CSMD1: variants seen among roughly 807,000 people sequenced by gnomAD.
CSMD1 encodes CUB and Sushi multiple domains 1.
In CSMD1, 213 loss-of-function variants were observed where a neutral mutation model predicts 417.5. The ratio of observed to expected loss-of-function variants is 0.51; its 90% CI spans 0.46 to 0.57. The LOEUF is 0.57. Among genes scored for constraint, CSMD1 ranks in the 20% least tolerant of loss-of-function variants. CSMD1 has a pLI of 0.00. For missense variants in CSMD1, 6,923 were observed against 4,529.7 expected (o/e 1.53, Z -15.17); for synonymous variants, 2,862 against 1,736.8 (o/e 1.65, Z -16.11).
At chr8:4,164,084 A>C (rs1797317943) in intron 3 of CSMD1, among the ~76,000 whole-genome samples, 2 of 150,862 alleles carry the variant, frequency 1.3e-5, no homozygotes, top group African/African-American at 4.9e-5. Flanking sequence ...AGAAAACTCC[A>C]ATACTTATCA....
intron 53 of CSMD1, 107 bp from the exon 54 acceptor site, chr8:2,998,291 G>A: frequency 9.0e-7 from 1 of 1,112,862 alleles, no homozygotes; most frequent in Non-Finnish European, 1.3e-6. Context: ...ATGGACTGAA[G>A]GTTTTCCACT....
At chr8:4,439,923 T>G (rs1256307498) in intron 2 of CSMD1, among the ~76,000 whole-genome samples, 1 of 151,914 alleles carries the variant, frequency 6.6e-6, no homozygotes, top group Non-Finnish European at 1.5e-5. Flanking sequence ...TAATAAGGAG[T>G]AATAATATAT....
At chr8:3,844,875 G>C (rs1366857149) in intron 5 of CSMD1, among the ~76,000 whole-genome samples, 3 of 152,136 alleles carry the variant, frequency 2.0e-5, no homozygotes, top group Admixed American at 6.6e-5. Flanking sequence ...TAAAACTAAA[G>C]TTTTTTCTAA....
intron 3 of CSMD1, among the ~76,000 whole-genome samples, chr8:4,168,188 C>A (rs1030481656): frequency 6.6e-6 from 1 of 150,428 alleles, no homozygotes; most frequent in Non-Finnish European, 1.5e-5. Flanking sequence ...TACACACACA[C>A]GTATGTATGT....
rs536960302 is a variant in CSMD1, at chr8:3,196,452, G to A, written c.5194+3262C>T. ...TGTTTTTACTTTACTCTATGGACTC[G>A]CCCCAAATTCTTTCTTGCGCGAGAT... On this transcript the variant is annotated intron_variant, in intron 33 of 69. Coordinates refer to ENST00000635120, the MANE Select transcript of CSMD1 (RefSeq NM_033225.6). 4.6e-5 allele frequency among the ~76,000 whole-genome samples: 7 copies of A among 152,060 alleles called. No homozygotes were observed. In the South Asian group the frequency reaches 1.5e-3, roughly 32 times the overall value.
chr8:4,515,228 G>A (rs1006537626), intron 2 of CSMD1, among the ~76,000 whole-genome samples: 14 of 152,132 alleles, frequency 9.2e-5, no homozygotes, highest in Admixed American at 2.6e-4. Flanking sequence ...TCTCTATTAC[G>A]CGTTAGGTGC....
At chr8:2,983,859 A>G (rs1805631360) in intron 54 of CSMD1, among the ~76,000 whole-genome samples, 3 of 152,252 alleles carry the variant, frequency 2.0e-5, no homozygotes, top group South Asian at 4.1e-4. Context: ...AAATTTCAAT[A>G]TAATTATTAT....
At chr8:4,300,232 A>C (rs566342409) in intron 3 of CSMD1, among the ~76,000 whole-genome samples, 1 of 152,266 alleles carries the variant, frequency 6.6e-6, no homozygotes, top group South Asian at 2.1e-4. Context: ...GATAATGTAT[A>C]AAGTCGTTTG....
At chr8:4,897,479 G>C (rs1163055211) in intron 1 of CSMD1, among the ~76,000 whole-genome samples, 1 of 151,984 alleles carries the variant, frequency 6.6e-6, no homozygotes, top group Non-Finnish European at 1.5e-5. Context: ...GGAGTGGTTT[G>C]GGTTGCTGTA....
intron 2 of CSMD1, among the ~76,000 whole-genome samples, chr8:4,442,864 A>C (rs1007218095): frequency 6.6e-6 from 1 of 152,188 alleles, no homozygotes; most frequent in Non-Finnish European, 1.5e-5. Flanking sequence ...ATGGGACTGT[A>C]AATTAATGAG....
intron 5 of CSMD1, among the ~76,000 whole-genome samples, chr8:3,907,279 T>C (rs1235548237): frequency 2.0e-5 from 3 of 152,252 alleles, no homozygotes; most frequent in South Asian, 2.1e-4. Context: ...ACATGCATTT[T>C]TAAGACTTTT....
chr8:4,961,634 G>A (rs942354984), intron 1 of CSMD1, among the ~76,000 whole-genome samples: 5 of 152,042 alleles, frequency 3.3e-5, no homozygotes, highest in Admixed American at 1.3e-4. Context: ...TTTTGTATGA[G>A]CTCTATTTTC....
intron 5 of CSMD1, among the ~76,000 whole-genome samples, chr8:3,974,460 C>G (rs937086551): frequency 1.3e-5 from 2 of 151,782 alleles, no homozygotes; most frequent in African/African-American, 4.8e-5. Context: ...TAGTATATGG[C>G]TACTTATTAA....
intron 41 of CSMD1, among the ~76,000 whole-genome samples, chr8:3,122,752 C>T (rs529351745): frequency 1.3e-5 from 2 of 150,702 alleles, no homozygotes; most frequent in East Asian, 3.9e-4. Flanking sequence ...TCAGCTCCCC[C>T]GACCCCAGCC....
intron 27 of CSMD1, among the ~76,000 whole-genome samples, chr8:3,229,049 C>A (rs140390416): frequency 1.0e-3 from 156 of 152,232 alleles, no homozygotes; most frequent in Non-Finnish European, 1.8e-3. Context: ...TGTCTTCAGA[C>A]AACTGGGATA....
intron 1 of CSMD1, among the ~76,000 whole-genome samples, chr8:4,869,953 T>C (rs1802639061): frequency 6.6e-6 from 1 of 152,102 alleles, no homozygotes; most frequent in Admixed American, 6.5e-5. Context: ...TACAATAATC[T>C]TATAATTGGT....
In CSMD1 at chr8:4,413,066, T is replaced by C. The variant is rs1204214316; in HGVS notation, c.415+6887A>G. The stretch of plus-strand genomic sequence containing the variant: ...AAATAGACTTACAAAATTACGCATA[T>C]AATTTCACAGCTTCATGGAAAGAGA... On this transcript the variant is annotated intron_variant, in intron 3 of 69. Coordinates refer to ENST00000635120, the MANE Select transcript of CSMD1 (RefSeq NM_033225.6). 2.0e-5 allele frequency among the ~76,000 whole-genome samples: 3 copies of C among 152,200 alleles called. No individual in the cohort carries two copies. In the East Asian group the frequency reaches 5.8e-4, roughly 29 times the overall value.
chr8:3,029,587 C>T (rs1185990059), intron 50 of CSMD1, 74 bp from the exon 51 acceptor site: 6 of 1,322,330 alleles, frequency 4.5e-6, no homozygotes, highest in East Asian at 5.0e-5. Flanking sequence ...CTTTGGATGG[C>T]AAGGTCTTGC....
At chr8:4,342,567 G>C (rs1398096789) in intron 3 of CSMD1, among the ~76,000 whole-genome samples, 2 of 151,934 alleles carry the variant, frequency 1.3e-5, no homozygotes. Context: ...GATCCTCTCA[G>C]ATGGACACTT....
Sources: allele counts gnomAD v4.1 joint callset (sites outside exome capture counted in the v4.1 genomes callset), GRCh38; gene constraint gnomAD v4.1.1; transcripts MANE v1.5; gene names NCBI Gene and HGNC (gene_info 2026-07-23, HGNC 2026-07-21).